Variants in SLC12A1 observed in about 807,000 individuals in gnomAD.
SLC12A1 encodes solute carrier family 12 member 1, also known as Na-K-2Cl cotransporter.
SLC12A1 carries 89 observed loss-of-function variants against 130.4 expected under a neutral mutation model. The ratio of observed to expected loss-of-function variants is 0.68; its 90% confidence interval spans 0.58 to 0.81. The LOEUF is 0.81. SLC12A1 is among the 40% of genes least tolerant of loss of function. The pLI is 0.00. For missense variants in SLC12A1, 1,310 were observed against 1,336.4 expected (o/e 0.98, Z 0.31); for synonymous variants, 499 against 460.0 (o/e 1.08, Z -1.09).
chr15:48,232,838 G>A lies in SLC12A1; in HGVS notation c.1087G>A (p.Ala363Thr). The A allele has an allele frequency of 6.4e-7, 1 of 1,563,012 alleles. No individual in the cohort carries two copies. Reference sequence around the variant, plus strand: ...GTCCAGAGGTTTCTTTAATTACCAAGGTACATGGAATAAATTGGTTGCTTT... The same window carrying A: ...GTCCAGAGGTTTCTTTAATTACCAAAGTACATGGAATAAATTGGTTGCTTT... ...KKSRGFFNYQ[A>T]SIFAENFGPR... The change falls in exon 8 of 27, where the codon GCA (alanine) becomes ACA (threonine). Residue 363 changes from alanine (A) to threonine (T), a missense_variant and splice_region_variant. Transcript: ENST00000380993.
chr15:48,278,883 A>G (rs34832526), intron 20 of SLC12A1, among the ~76,000 whole-genome samples: 6 of 152,208 alleles, frequency 3.9e-5, no homozygotes, highest in African/African-American at 1.4e-4. Context: ...TCTATAAAGC[A>G]ATACAGCAAC....
chr15:48,270,835 G>T (rs1434354649), intron 19 of SLC12A1, among the ~76,000 whole-genome samples: 1 of 38,848 alleles, frequency 2.6e-5, no homozygotes, highest in Non-Finnish European at 7.3e-5. Flanking sequence ...AATATTTGGA[G>T]TATACATATA....
At chr15:48,283,562 C>T (rs1226009155) in intron 20 of SLC12A1, among the ~76,000 whole-genome samples, 2 of 152,212 alleles carry the variant, frequency 1.3e-5, no homozygotes, top group African/African-American at 2.4e-5. Flanking sequence ...AGATTAATTG[C>T]TAAGACCTGG....
chr15:48,251,785 G>A lies in SLC12A1; in HGVS notation c.1942+15G>A. On this transcript the variant is annotated intron_variant, in intron 15 of 26. Coordinates refer to ENST00000380993, the MANE Select transcript of SLC12A1 (RefSeq NM_000338.3). ...TAAGAAGCCAGGTAAGATAATGACT[G>A]TCTGGAATAGCGTTTCCAAATCTCT... 6.2e-7 allele frequency: 1 copy of A among 1,610,640 alleles called. No homozygotes were observed. The highest frequency in any genetic ancestry group is 8.5e-7 in the Non-Finnish European group (1 of 1,177,624).
At chr15:48,286,602 A>G (rs1156480288) in intron 21 of SLC12A1, among the ~76,000 whole-genome samples, 2 of 152,256 alleles carry the variant, frequency 1.3e-5, no homozygotes, top group Non-Finnish European at 2.9e-5. Context: ...TGTCCTTATT[A>G]TGACAGCGGG....
intron 17 of SLC12A1, among the ~76,000 whole-genome samples, chr15:48,260,598 C>G (rs1218691793): frequency 6.6e-6 from 1 of 152,112 alleles, no homozygotes; most frequent in Non-Finnish European, 1.5e-5. Flanking sequence ...GATCACATGA[C>G]AAGAAAGTGG....
At chr15:48,289,419 AT>A (rs1566857945) in intron 23 of SLC12A1, among the ~76,000 whole-genome samples, 47 of 134,172 alleles carry the variant, frequency 3.5e-4, no homozygotes, top group Middle Eastern at 3.8e-3. Flanking sequence ...ATATATATAT[AT>A]ATATATATAA....
At chr15:48,237,993 T>C (rs1170181851) in intron 9 of SLC12A1, among the ~76,000 whole-genome samples, 2 of 152,122 alleles carry the variant, frequency 1.3e-5, no homozygotes, top group South Asian at 2.1e-4. Flanking sequence ...ACCAAAGATA[T>C]CAGCTTTTGT....
At chr15:48,264,651 C>G (rs1359512467) in intron 17 of SLC12A1, among the ~76,000 whole-genome samples, 1 of 151,940 alleles carries the variant, frequency 6.6e-6, no homozygotes, top group Non-Finnish European at 1.5e-5. Context: ...TGGACCAAAT[C>G]AGAAAGGGAA....
chr15:48,280,438 A>G (rs8039653), intron 20 of SLC12A1, among the ~76,000 whole-genome samples: 37,367 of 152,042 alleles, frequency 0.25, 5,343 homozygotes, highest in East Asian at 0.41. Flanking sequence ...CTACAGGTCT[A>G]AGCTTTTTCT....
At chr15:48,231,309 A>G (rs917702132) in intron 7 of SLC12A1, among the ~76,000 whole-genome samples, 1 of 152,238 alleles carries the variant, frequency 6.6e-6, no homozygotes. Context: ...ATCCCTATAT[A>G]TGGTCTATGA....
intron 17 of SLC12A1, among the ~76,000 whole-genome samples, chr15:48,263,565 C>A (rs1452749339): frequency 2.6e-5 from 4 of 151,800 alleles, no homozygotes; most frequent in African/African-American, 9.7e-5. Context: ...TAAATGAGAC[C>A]TTTAATTTAT....
intron 20 of SLC12A1, 104 bp downstream of exon 20, chr15:48,274,757 G>A (rs2041933260): frequency 1.5e-6 from 1 of 686,926 alleles, no homozygotes; most frequent in East Asian, 2.7e-5. Flanking sequence ...AAAACTCCTT[G>A]ACAGTGGAGC....
chr15:48,275,816 T>G (rs2041945984), intron 20 of SLC12A1, among the ~76,000 whole-genome samples: 1 of 152,160 alleles, frequency 6.6e-6, no homozygotes, highest in Non-Finnish European at 1.5e-5. Flanking sequence ...TTTGTCATAT[T>G]AAAAAGATGG....
chr15:48,279,275 C>T (rs1285795714), intron 20 of SLC12A1, among the ~76,000 whole-genome samples: 1 of 152,108 alleles, frequency 6.6e-6, no homozygotes, highest in Admixed American at 6.6e-5. Flanking sequence ...CTAATAAGGG[C>T]CTAATAAATC....
intron 2 of SLC12A1, chr15:48,217,863 G>C (rs1405985117): frequency 6.6e-6 from 1 of 152,450 alleles, no homozygotes; most frequent in Non-Finnish European, 1.5e-5. Flanking sequence ...CTGGAATGCA[G>C]TGGCACAACT....
chr15:48,278,101 T>A (rs2041973285), intron 20 of SLC12A1, among the ~76,000 whole-genome samples: 1 of 152,164 alleles, frequency 6.6e-6, no homozygotes, highest in Admixed American at 6.5e-5. Flanking sequence ...TAATGTATAT[T>A]CCCTCCTAGT....
intron 9 of SLC12A1, among the ~76,000 whole-genome samples, chr15:48,236,361 C>T (rs1373913199): frequency 6.6e-6 from 1 of 152,144 alleles, no homozygotes. Flanking sequence ...TGGATGCTGG[C>T]TATTAATGAA....
At chr15:48,284,815 G>C (rs2042040928) in intron 20 of SLC12A1, among the ~76,000 whole-genome samples, 1 of 152,024 alleles carries the variant, frequency 6.6e-6, no homozygotes, top group Non-Finnish European at 1.5e-5. Context: ...ATCGTTCATA[G>C]AGATGGAGTT....
Sources: gnomAD v4.1 joint callset for allele counts (sites outside exome capture counted in the v4.1 genomes callset) on GRCh38, gnomAD v4.1.1 for gene constraint, MANE v1.5 for transcripts, NCBI Gene and HGNC (gene_info 2026-07-23, HGNC 2026-07-21) for gene names.